Variants in C18orf54 observed in about 807,000 individuals in gnomAD.
C18orf54 encodes the protein chromosome 18 open reading frame 54.
In C18orf54, 49 loss-of-function variants were observed where a neutral mutation model predicts 49.3. The ratio of observed to expected loss-of-function variants is 0.99; its 90% CI spans 0.79 to 1.26. The LOEUF is 1.26. Ranked by LOEUF, C18orf54 falls within the 50% of genes most tolerant of loss-of-function variation. C18orf54 has a pLI of 0.00. For missense variants in C18orf54, 687 were observed against 620.6 expected (o/e 1.11, Z -1.14); for synonymous variants, 211 against 216.6 (o/e 0.97, Z 0.23).
rs2089672570 is a variant in C18orf54, at chr18:54,381,508, T to C, written c.*3262T>C. The C allele has an allele frequency of 6.6e-6, 1 of 152,230 alleles. No individual in the cohort carries two copies. Among genetic ancestry groups the C allele is most frequent in the African/African-American group, 2.4e-5 (1 of 41,468 alleles). The allele number at this position is 152,230 out of a possible 1,614,324, so 9.4% of individuals were successfully genotyped here. Reference sequence around the variant, plus strand: ...GCAAGACTCTGTTGTGTATCACCACTCTAACCTTACTGATTTGTTTCAGCA... The same window carrying C: ...GCAAGACTCTGTTGTGTATCACCACCCTAACCTTACTGATTTGTTTCAGCA... On this transcript the variant is annotated 3_prime_UTR_variant, in exon 9 of 9. Coordinates refer to ENST00000620105, the MANE Select transcript of C18orf54 (RefSeq NM_001288980.2).
rs1185422364 is a variant in C18orf54 at position 54,379,774 on chromosome 18, A to G, written c.*1528A>G. The G allele has an allele frequency of 6.6e-6, 1 of 152,028 alleles. No homozygotes were observed. Among genetic ancestry groups the G allele is most frequent in the Non-Finnish European group, 1.5e-5 (1 of 67,914 alleles). The allele number at this position is 152,028 out of a possible 1,614,324, so 9.4% of individuals were successfully genotyped here. ...GGTCATGTTCTAGGCCTAGAAAAAT[A>G]CACTATTAGACAAGTTCTAAAGAAG... is the stretch of plus-strand genomic sequence containing the variant. On this transcript the variant is annotated 3_prime_UTR_variant, in exon 9 of 9. Coordinates refer to ENST00000620105, the MANE Select transcript of C18orf54 (RefSeq NM_001288980.2).
In C18orf54 at chr18:54,379,721, G is replaced by T. The variant is rs1379296580; in HGVS notation, c.*1475G>T. On this transcript the variant is annotated 3_prime_UTR_variant, in exon 9 of 9. Transcript: ENST00000620105. The stretch of plus-strand genomic sequence containing the variant: ...TGGCTATTAAAAATGCAGATTTTAG[G>T]TGGGTAAACATCAGGTAGGTCTGGG... The T allele has an allele frequency of 6.6e-6, 1 of 151,882 alleles. No individual in the cohort carries two copies. Among genetic ancestry groups the T allele is most frequent in the Non-Finnish European group, 1.5e-5 (1 of 67,900 alleles). 9.4% of individuals were successfully genotyped at this position (151,882 alleles called of 1,614,324 possible).
At chr18:54,361,090 T>C (rs924697215) in intron 3 of C18orf54, among the ~76,000 whole-genome samples, 5 of 152,212 alleles carry the variant, frequency 3.3e-5, no homozygotes, top group African/African-American at 1.2e-4. Flanking sequence ...GTTTGGAAAA[T>C]GCAGTTGTTG....
rs372860791 is a variant in C18orf54 at position 54,378,270 on chromosome 18, CAATG to C, written c.*28_*31del. ...GAAGAGGAAAATGAAACTGTCACCA[CAATG>C]AATAGTCACCACAGAACAAATAGGC... On this transcript the variant is annotated 3_prime_UTR_variant, in exon 9 of 9. Transcript: ENST00000620105. The C allele has an allele frequency of 1.5e-4, 241 of 1,591,348 alleles. No individual in the cohort carries two copies. Among genetic ancestry groups the C allele is most frequent in the African/African-American group, 8.3e-4 (62 of 74,458 alleles).
intron 2 of C18orf54, among the ~76,000 whole-genome samples, chr18:54,359,448 A>G (rs890537700): frequency 5.9e-5 from 9 of 152,212 alleles, no homozygotes; most frequent in Non-Finnish European, 1.2e-4. Flanking sequence ...TGTAATGGCC[A>G]TTGCATGCTC....
Position 54,365,698 on chromosome 18 carries a change from C to T in C18orf54, c.1224-21C>T, listed in dbSNP as rs761384515. 9 of 1,437,926 alleles carry T rather than the reference C, an allele frequency of 6.3e-6. No individual in the cohort carries two copies. In the Admixed American group the frequency reaches 7.1e-5, roughly 11 times the overall value. The allele number at this position is 1,437,926 out of a possible 1,614,324, so 89.1% of individuals were successfully genotyped here. On this transcript the variant is annotated intron_variant, in intron 5 of 8. Transcript: ENST00000620105. ...AATTGGGAACTTAATTGCTATCTTG[C>T]ATCCTTTAAATCCTGTTTAGCAAAT...
At position 54,379,204 on chromosome 18, in the gene C18orf54, A is replaced by T. The variant is rs1441136980; in HGVS notation, c.*958A>T. The T allele has an allele frequency of 6.6e-6, 1 of 152,084 alleles. No homozygotes were observed. Among genetic ancestry groups the T allele is most frequent in the Non-Finnish European group, 1.5e-5 (1 of 67,940 alleles). 9.4% of individuals were successfully genotyped at this position (152,084 alleles called of 1,614,324 possible). A position where few individuals can be genotyped will look rare whatever the true frequency, so the allele number is the denominator to read the frequency against. ...GCTCTATAATTTTTACCAAGCACTT[A>T]TTATTAATACTTCTTATAAGTAGTA... On this transcript the variant is annotated 3_prime_UTR_variant, in exon 9 of 9. Coordinates refer to ENST00000620105, the MANE Select transcript of C18orf54 (RefSeq NM_001288980.2).
intron 2 of C18orf54, among the ~76,000 whole-genome samples, 166 bp from the exon 3 acceptor site, chr18:54,360,361 C>T (rs1267457554): frequency 1.3e-5 from 2 of 151,950 alleles, no homozygotes; most frequent in East Asian, 3.8e-4. Flanking sequence ...AAGGAATTCA[C>T]AATAATAAAT....
intron 8 of C18orf54, among the ~76,000 whole-genome samples, chr18:54,377,387 T>A (rs1479490205): frequency 6.6e-6 from 1 of 151,792 alleles, no homozygotes; most frequent in Non-Finnish European, 1.5e-5. Context: ...ATTGTCACTC[T>A]GTTTTTCCTT....
In C18orf54 at chr18:54,361,682, T is replaced by C; in HGVS notation, c.323T>C (p.Ile108Thr). Residue 108 changes from isoleucine to threonine, a missense_variant, in exon 4 of 9, where the codon ATA becomes ACA. Physicochemically the swap from Ile to Thr is moderately conservative, Grantham distance 89. Coordinates refer to ENST00000620105, the MANE Select transcript of C18orf54 (RefSeq NM_001288980.2). ...NLDHKKHSNF[I>T]SCRRHTVNDI... ...GATCACAAAAAGCACTCAAACTTCA[T>C]ATCCTGTAGAAGACACACCGTTAAT... 1.2e-6 allele frequency: 2 copies of C among 1,604,994 alleles called. No individual in the cohort carries two copies. Among genetic ancestry groups the C allele is most frequent in the Non-Finnish European group, 1.7e-6 (2 of 1,177,352 alleles).
intron 3 of C18orf54, among the ~76,000 whole-genome samples, chr18:54,361,343 G>A (rs1212389845): frequency 6.6e-6 from 1 of 152,136 alleles, no homozygotes; most frequent in East Asian, 1.9e-4. Context: ...CAATGTTACT[G>A]TGATTGTATT....
chr18:54,371,697 C>T (rs1463361713), intron 6 of C18orf54, among the ~76,000 whole-genome samples: 2 of 152,098 alleles, frequency 1.3e-5, no homozygotes, highest in Non-Finnish European at 2.9e-5. Context: ...TGCTAATCAA[C>T]AACTTTCTAT....
intron 6 of C18orf54, among the ~76,000 whole-genome samples, chr18:54,370,187 G>C (rs1356342155): frequency 6.6e-6 from 1 of 150,820 alleles, no homozygotes; most frequent in African/African-American, 2.4e-5. Context: ...TGAGGCAGGA[G>C]AATGATGTGA....
Position 54,379,747 on chromosome 18 carries a change from T to G in C18orf54, c.*1501T>G, listed in dbSNP as rs2089635604. The G allele has an allele frequency of 6.6e-6, 1 of 151,924 alleles. No individual in the cohort carries two copies. The highest frequency in any genetic ancestry group is 6.6e-5 in the Admixed American group (1 of 15,248). 9.4% of individuals were successfully genotyped at this position (151,924 alleles called of 1,614,324 possible). ...TGGGTAAACATCAGGTAGGTCTGGGTGGGTCATGTTCTAGGCCTAGAAAAA... is the reference window on the plus strand; with the variant it reads ...TGGGTAAACATCAGGTAGGTCTGGGGGGGTCATGTTCTAGGCCTAGAAAAA... On this transcript the variant is annotated 3_prime_UTR_variant, in exon 9 of 9. Transcript: ENST00000620105.
Position 54,378,319 on chromosome 18 carries a change from C to T in C18orf54, c.*73C>T, listed in dbSNP as rs1361855524. 3.9e-6 allele frequency: 5 copies of T among 1,294,250 alleles called. No individual in the cohort carries two copies. Among genetic ancestry groups the T allele is most frequent in the Non-Finnish European group, 5.5e-6 (5 of 904,552 alleles). 80.2% of individuals were successfully genotyped at this position (1,294,250 alleles called of 1,614,324 possible). On this transcript the variant is annotated 3_prime_UTR_variant, in exon 9 of 9. Coordinates refer to ENST00000620105, the MANE Select transcript of C18orf54 (RefSeq NM_001288980.2). ...ATAGGCATTTTTTCTATTACTTAAA[C>T]TGACAAAGTAAATATAAGCCATACA...
chr18:54,379,127 T>C lies in C18orf54; in HGVS notation c.*881T>C, dbSNP rs1035099330. 3 of 152,074 alleles carry C rather than the reference T, an allele frequency of 2.0e-5. No homozygotes were observed. The highest frequency in any genetic ancestry group is 7.2e-5 in the African/African-American group (3 of 41,438). The allele number at this position is 152,074 out of a possible 1,614,324, so 9.4% of individuals were successfully genotyped here. On this transcript the variant is annotated 3_prime_UTR_variant, in exon 9 of 9. Coordinates refer to ENST00000620105, the MANE Select transcript of C18orf54 (RefSeq NM_001288980.2). ...GAGCTATTTTGTAAGAGTTGTGCTT[T>C]CTTTAACACCATCTGTAGTCTTAAG...
chr18:54,360,003 G>T lies in C18orf54; in HGVS notation c.-46-524G>T, dbSNP rs572790532. Among the ~76,000 whole-genome samples, 6 of 152,276 alleles carry T rather than the reference G, an allele frequency of 3.9e-5. No homozygotes were observed. The East Asian group carries it at 1.2e-3, about 29-fold the overall frequency. ...ACCTGCAGTTTATTTACAGTTAAAT[G>T]TTGTAAATGTACTAGCATTTATAAC... is the stretch of plus-strand genomic sequence containing the variant. On this transcript the variant is annotated intron_variant, in intron 2 of 8. Coordinates refer to ENST00000620105, the MANE Select transcript of C18orf54 (RefSeq NM_001288980.2).
Position 54,365,705 on chromosome 18 carries a change from T to A in C18orf54, c.1224-14T>A. On this transcript the variant is annotated splice_polypyrimidine_tract_variant and intron_variant, in intron 5 of 8. Coordinates refer to ENST00000620105, the MANE Select transcript of C18orf54 (RefSeq NM_001288980.2). ...AACTTAATTGCTATCTTGCATCCTTTAAATCCTGTTTAGCAAATCTCCTGT... is the reference window on the plus strand; with the variant it reads ...AACTTAATTGCTATCTTGCATCCTTAAAATCCTGTTTAGCAAATCTCCTGT... 6.6e-7 allele frequency: 1 copy of A among 1,520,658 alleles called. No individual in the cohort carries two copies. The highest frequency in any genetic ancestry group is 1.4e-5 in the African/African-American group (1 of 73,280). The allele number at this position is 1,520,658 out of a possible 1,614,324, so 94.2% of individuals were successfully genotyped here.
intron 6 of C18orf54, among the ~76,000 whole-genome samples, chr18:54,371,848 G>A (rs1348847244): frequency 1.3e-5 from 2 of 152,062 alleles, no homozygotes; most frequent in African/African-American, 2.4e-5. Context: ...TAAAATAATA[G>A]ACTGGTAAGA....
Sources: gnomAD v4.1 joint callset for allele counts (sites outside exome capture counted in the v4.1 genomes callset) on GRCh38, gnomAD v4.1.1 for gene constraint, MANE v1.5 for transcripts, NCBI Gene and HGNC (gene_info 2026-07-23, HGNC 2026-07-21) for gene names.